The following ADGRG1 variants were observed in gnomAD, a reference collection of about 807,000 sequenced individuals.
ADGRG1 encodes the protein 7-transmembrane protein with no EGF-like N-terminal domains-1.
In ADGRG1, 53 loss-of-function variants were observed where a neutral mutation model predicts 73.5. The ratio of observed to expected loss-of-function variants is 0.72; its 90% CI spans 0.58 to 0.91. The LOEUF is 0.91. ADGRG1 is among the 40% of genes least tolerant of loss of function. The pLI is 0.00. For synonymous variants in ADGRG1, 394 were observed against 374.4 expected (o/e 1.05, Z -0.60); for missense variants, 795 against 871.8 (o/e 0.91, Z 1.11).
intron 1 of ADGRG1, chr16:57,639,438 C>T (rs1051136665): frequency 5.1e-6 from 5 of 985,332 alleles, no homozygotes; most frequent in African/African-American, 3.5e-5. Flanking sequence ...CCCGCGCTGG[C>T]GGCTGGGGCT....
chr16:57,656,142 G>T, intron 7 of ADGRG1, 84 bp from the exon 8 acceptor site: 1 of 1,613,560 alleles, frequency 6.2e-7, no homozygotes, highest in Non-Finnish European at 8.5e-7. Context: ...GCTTGACTGT[G>T]TTCTAGACTT....
Position 57,656,208 on chromosome 16 carries a change from C to T in ADGRG1, c.1018-18C>T. 6.2e-7 allele frequency: 1 copy of T among 1,613,686 alleles called. No individual in the cohort carries two copies. The highest frequency in any genetic ancestry group is 8.5e-7 in the Non-Finnish European group (1 of 1,179,694). On this transcript the variant is annotated intron_variant, in intron 7 of 13. Coordinates refer to ENST00000562631, the MANE Select transcript of ADGRG1 (RefSeq NM_201525.4). ...GGGGGGCTGTCACAGAAACCACTCT[C>T]CTTTCTTGTCCCTACAGAAGAATGT...
chr16:57,660,178 T>C (rs2046740187), intron 11 of ADGRG1: 3 of 860,216 alleles, frequency 3.5e-6, no homozygotes, highest in South Asian at 5.3e-5. Context: ...CAGGGGCTCA[T>C]GATGCCACAA....
intron 1 of ADGRG1, chr16:57,647,230 G>A: frequency 1.0e-6 from 1 of 985,382 alleles, no homozygotes; most frequent in East Asian, 1.1e-4. Context: ...TGTCCCAACG[G>A]GCTTCTGGAG....
At chr16:57,650,194 G>C in intron 1 of ADGRG1, 59 bp from the exon 2 acceptor site, 1 of 1,569,606 alleles carries the variant, frequency 6.4e-7, no homozygotes, top group Non-Finnish European at 8.7e-7. Context: ...CTCTTCTGCA[G>C]GGCCAGCCCA....
chr16:57,629,262 G>A (rs1019102507), intron 1 of ADGRG1: 2 of 754,654 alleles, frequency 2.7e-6, no homozygotes, highest in East Asian at 1.3e-4. Flanking sequence ...GGAGATGCCT[G>A]GGAGGGGACT....
chr16:57,624,501 G>A (rs1347147017), upstream of ADGRG1, among the ~76,000 whole-genome samples: 1 of 152,080 alleles, frequency 6.6e-6, no homozygotes, highest in African/African-American at 2.4e-5. Context: ...GCCCTGTCTC[G>A]AAAACAAAGA....
chr16:57,646,247 A>C (rs2042604598), intron 1 of ADGRG1: 1 of 341,302 alleles, frequency 2.9e-6, no homozygotes, highest in African/African-American at 2.2e-5. Context: ...CACGGAAGTG[A>C]CTCAGGTCCC....
At chr16:57,638,248 C>T (rs1167849042) in intron 1 of ADGRG1, among the ~76,000 whole-genome samples, 1 of 152,204 alleles carries the variant, frequency 6.6e-6, no homozygotes, top group Non-Finnish European at 1.5e-5. Flanking sequence ...AGAAAATCTC[C>T]ATTTAAATTC....
At chr16:57,654,374 G>C (rs1308924536) in intron 5 of ADGRG1, among the ~76,000 whole-genome samples, 1 of 148,776 alleles carries the variant, frequency 6.7e-6, no homozygotes, top group Non-Finnish European at 1.5e-5. Flanking sequence ...CCACCCGTGT[G>C]AACAGAAGAC....
At chr16:57,642,465 T>C (rs1300248754) in intron 1 of ADGRG1, 2 of 985,228 alleles carry the variant, frequency 2.0e-6, no homozygotes, top group African/African-American at 3.5e-5. Flanking sequence ...CTGTGTGGCG[T>C]CAAGATTTCT....
At chr16:57,638,812 C>G (rs2040004793) in intron 1 of ADGRG1, among the ~76,000 whole-genome samples, 1 of 152,148 alleles carries the variant, frequency 6.6e-6, no homozygotes, top group South Asian at 2.1e-4. Flanking sequence ...TGGCTCACAC[C>G]TGTAATCCCA....
intron 1 of ADGRG1, chr16:57,648,562 G>C (rs1326704176): frequency 3.0e-6 from 3 of 983,926 alleles, no homozygotes; most frequent in Non-Finnish European, 3.6e-6. Context: ...GCCCAGGAAG[G>C]AGACATTGAG....
In ADGRG1 at chr16:57,661,911, G is replaced by A; in HGVS notation, c.1879G>A (p.Gly627Ser). ...CTTGATCTTCTTCTCCTTTGCTTCTGGCACCTTCCAGCTTGTCGTCCTCTA... is the reference window on the plus strand; with the variant it reads ...CTTGATCTTCTTCTCCTTTGCTTCTAGCACCTTCCAGCTTGTCGTCCTCTA... ...WALIFFSFAS[G>S]TFQLVVLYLF... The change falls in exon 13 of 14, where the codon GGC becomes AGC. Residue 627 changes from glycine to serine, a missense_variant. By Grantham distance (56) the Gly-to-Ser change is moderately conservative. Transcript: ENST00000562631. 2 of 1,614,224 alleles carry A rather than the reference G, an allele frequency of 1.2e-6. No homozygotes were observed. The highest frequency in any genetic ancestry group is 2.2e-5 in the South Asian group (2 of 91,088).
At chr16:57,652,874 C>T in intron 3 of ADGRG1, 1 of 1,181,914 alleles carries the variant, frequency 8.5e-7, no homozygotes, top group East Asian at 5.7e-5. Flanking sequence ...CCAAGCCCCG[C>T]ACATCCCTCC....
At chr16:57,622,835 G>A (rs1238891666), upstream of ADGRG1, 1 of 985,274 alleles carries the variant, frequency 1.0e-6, no homozygotes, top group Non-Finnish European at 1.2e-6. Flanking sequence ...TTCCCCGCTG[G>A]GGAGGTCAGC....
At chr16:57,655,092 C>T in intron 5 of ADGRG1, 2 of 985,120 alleles carry the variant, frequency 2.0e-6, no homozygotes, top group Non-Finnish European at 1.2e-6. Context: ...CCCACATGGC[C>T]ACCCCCAAGT....
chr16:57,644,908 CTT>C (rs2042144525), intron 1 of ADGRG1: 1 of 163,440 alleles, frequency 6.1e-6, no homozygotes, highest in Non-Finnish European at 1.1e-5. Context: ...ACACTCATCA[CTT>C]CATAACTCAT....
At chr16:57,620,145 CGGGTGGGGGACA>C (rs2034491711), upstream of ADGRG1, 1 of 149,086 alleles carries the variant, frequency 6.7e-6, no homozygotes, top group Non-Finnish European at 1.5e-5. Flanking sequence ...AGGTAAGAGA[CGGGTGGGGGACA>C]GGGGTGGGAA....
Sources: gnomAD v4.1 joint callset for allele counts (sites outside exome capture counted in the v4.1 genomes callset) on GRCh38, gnomAD v4.1.1 for gene constraint, MANE v1.5 for transcripts, NCBI Gene and HGNC (gene_info 2026-07-23, HGNC 2026-07-21) for gene names.